Variants in ZNF672 observed in about 807,000 individuals in gnomAD.
ZNF672 encodes zinc finger protein 672.
For missense variants in ZNF672, 733 were observed against 701.1 expected (o/e 1.05, Z -0.51); for synonymous variants, 358 against 305.6 (o/e 1.17, Z -1.79).
chr1:248,847,496 G>C lies in ZNF672; in HGVS notation c.222G>C (p.Glu74Asp). 2 of 1,597,886 alleles carry C rather than the reference G, an allele frequency of 1.3e-6. No homozygotes were observed. The highest frequency in any genetic ancestry group is 1.7e-6 in the Non-Finnish European group (2 of 1,172,592). Residue 74 changes from glutamate (E) to aspartate (D), a missense_variant, in exon 4 of 4, where the codon GAG (glutamate) becomes GAC (aspartate). Transcript: ENST00000306562. The part of the protein sequence containing the change: ...HAGQTLYICS[E>D]CGQSFRHSGR... The stretch of plus-strand genomic sequence containing the variant: ...GCCAGACCCTCTACATCTGCAGTGA[G>C]TGCGGACAAAGCTTCCGCCACAGCG...
At chr1:248,838,646 T>A (rs1241346692) in intron 1 of ZNF672, 95 bp downstream of exon 1, 2 of 152,198 alleles carry the variant, frequency 1.3e-5, no homozygotes, top group Non-Finnish European at 2.9e-5. Context: ...GGGCGACTGG[T>A]GTCTGCGGCG....
At chr1:248,839,590 GAC>G (rs1664635877) in intron 1 of ZNF672, 1 of 152,520 alleles carries the variant, frequency 6.6e-6, no homozygotes, top group African/African-American at 2.4e-5. Flanking sequence ...GCTGCAGTGA[GAC>G]AGTGATCAAA....
At position 248,847,053 on chromosome 1, in the gene ZNF672, C is replaced by T. The variant is rs1664771909; in HGVS notation, c.-222C>T. 7 of 587,676 alleles carry T rather than the reference C, an allele frequency of 1.2e-5. No homozygotes were observed. The South Asian group carries it at 1.5e-4, about 13-fold the overall frequency. 36.4% of individuals were successfully genotyped at this position (587,676 alleles called of 1,614,324 possible). On this transcript the variant is annotated splice_region_variant and 5_prime_UTR_variant, in exon 4 of 4. Coordinates refer to ENST00000306562, the MANE Select transcript of ZNF672 (RefSeq NM_024836.3). ...CTCACAATGACCTTCTCCCCACAGG[C>T]TCACGGTGCAGGGTGAACCTGGCCA...
At position 248,848,174 on chromosome 1, in the gene ZNF672, G is replaced by A; in HGVS notation, c.900G>A (p.Val300=). 6.3e-7 allele frequency: 1 copy of A among 1,597,668 alleles called. No homozygotes were observed. The highest frequency in any genetic ancestry group is 1.7e-5 in the Admixed American group (1 of 58,988). ...KGFGQRSDLV[V]HQRIHTGEKP... ...TCGGGCAGCGCTCCGACCTGGTGGT[G>A]CACCAGCGCATCCACACGGGCGAGA... Residue 300 remains valine, a synonymous_variant, in exon 4 of 4, where the codon GTG becomes GTA. Coordinates refer to ENST00000306562, the MANE Select transcript of ZNF672 (RefSeq NM_024836.3).
At chr1:248,840,751 CTG>C (rs1374888008) in intron 1 of ZNF672, among the ~76,000 whole-genome samples, 58 of 150,758 alleles carry the variant, frequency 3.8e-4, no homozygotes, top group Non-Finnish European at 5.3e-4. Context: ...GGTACGATGA[CTG>C]TAGTCATAGT....
chr1:248,847,939 CG>C lies in ZNF672; in HGVS notation c.670del (p.Glu224ArgfsTer231). 1 of 1,574,068 alleles carries C rather than the reference CG, an allele frequency of 6.4e-7. No homozygotes were observed. Among genetic ancestry groups the C allele is most frequent in the Non-Finnish European group, 8.6e-7 (1 of 1,161,082 alleles). ...STLTRHLQTH[S>X]GEKPFKCPEC... ...CTGACGCGACACCTGCAGACGCACT[CG>C]GGGGAGAAACCCTTCAAGTGCCCGG... is the stretch of plus-strand genomic sequence containing the variant. On this transcript the variant is annotated frameshift_variant, in exon 4 of 4. Transcript: ENST00000306562. LOFTEE classifies it low-confidence loss of function (END_TRUNC).
chr1:248,841,823 C>T (rs995587205), intron 1 of ZNF672, among the ~76,000 whole-genome samples: 11 of 152,042 alleles, frequency 7.2e-5, no homozygotes, highest in African/African-American at 1.9e-4. Flanking sequence ...GAGGCTGAAG[C>T]GCAAGAATCG....
Position 248,848,222 on chromosome 1 carries a change from C to T in ZNF672, c.948C>T (p.Cys316=), listed in dbSNP as rs1444091588. 1.3e-6 allele frequency: 2 copies of T among 1,599,958 alleles called. No homozygotes were observed. Among genetic ancestry groups the T allele is most frequent in the South Asian group, 1.1e-5 (1 of 90,638 alleles). The part of the protein sequence containing the change: ...TGEKPFACPE[C]GRRFSDRSDL... Reference sequence around the variant, plus strand: ...AGAAGCCCTTCGCGTGCCCCGAGTGCGGCCGCCGCTTCAGCGACCGCTCGG... The same window carrying T: ...AGAAGCCCTTCGCGTGCCCCGAGTGTGGCCGCCGCTTCAGCGACCGCTCGG... The change falls in exon 4 of 4, where the codon TGC becomes TGT. Residue 316 remains cysteine (C), a synonymous_variant. Coordinates refer to ENST00000306562, the MANE Select transcript of ZNF672 (RefSeq NM_024836.3).
chr1:248,847,762 A>C lies in ZNF672; in HGVS notation c.488A>C (p.His163Pro), dbSNP rs1280601627. 6.7e-7 allele frequency: 1 copy of C among 1,497,632 alleles called. No homozygotes were observed. Among genetic ancestry groups the C allele is most frequent in the Non-Finnish European group, 8.9e-7 (1 of 1,124,250 alleles). 92.8% of individuals were successfully genotyped at this position (1,497,632 alleles called of 1,614,324 possible). Residue 163 changes from histidine (H) to proline (P), a missense_variant, in exon 4 of 4, where the codon CAC becomes CCC. His to Pro is a moderately conservative substitution (Grantham distance 77). Transcript: ENST00000306562. ...ACCTCTGACCCTGCTGCCCCACCCC[A>C]CCGCTGCGCGCAGTGCCCGCGAGCC... is the stretch of plus-strand genomic sequence containing the variant. ...GTTSDPAAPP[H>P]RCAQCPRAFR...
chr1:248,844,866 T>C (rs1185101063), intron 2 of ZNF672, among the ~76,000 whole-genome samples: 2 of 152,224 alleles, frequency 1.3e-5, no homozygotes, highest in East Asian at 3.9e-4. Flanking sequence ...CAGGAAGTTT[T>C]TATTTTCAGG....
In ZNF672 at chr1:248,848,731, GA is replaced by G; in HGVS notation, c.*102del. ...AGGCAACTCGTAGATGGAGATTTGG[GA>G]AAAGACGATGTGGCCTCCTACCTTT... is the stretch of plus-strand genomic sequence containing the variant. On this transcript the variant is annotated 3_prime_UTR_variant, in exon 4 of 4. Transcript: ENST00000306562. The G allele has an allele frequency of 6.8e-7, 1 of 1,460,074 alleles. No individual in the cohort carries two copies. Among genetic ancestry groups the G allele is most frequent in the Non-Finnish European group, 9.1e-7 (1 of 1,098,402 alleles). The allele number at this position is 1,460,074 out of a possible 1,614,324, so 90.4% of individuals were successfully genotyped here.
rs1659152935 is a variant in ZNF672, at chr1:248,847,321, G to T, written c.47G>T (p.Cys16Phe). 7.5e-6 allele frequency: 12 copies of T among 1,609,660 alleles called. No individual in the cohort carries two copies. Among genetic ancestry groups the T allele is most frequent in the Non-Finnish European group, 1.0e-5 (12 of 1,176,148 alleles). ...GAVAAGKPYS[C>F]SECGKSFCYS... ...GTGGCAGCGGGGAAGCCTTACTCGTGCAGCGAATGTGGCAAGAGCTTCTGC... is the reference window on the plus strand; with the variant it reads ...GTGGCAGCGGGGAAGCCTTACTCGTTCAGCGAATGTGGCAAGAGCTTCTGC... The change falls in exon 4 of 4, where the codon TGC becomes TTC. Residue 16 changes from cysteine to phenylalanine, a missense_variant. Cys to Phe is a radical substitution (Grantham distance 205, BLOSUM62 -2). Coordinates refer to ENST00000306562, the MANE Select transcript of ZNF672 (RefSeq NM_024836.3).
intron 1 of ZNF672, among the ~76,000 whole-genome samples, chr1:248,840,600 G>C (rs1025896532): frequency 2.0e-5 from 3 of 152,234 alleles, no homozygotes; most frequent in African/African-American, 7.2e-5. Context: ...TGTAGTCAGA[G>C]TATTTGTATG....
In ZNF672 at chr1:248,848,556, A is replaced by T. The variant is rs763494854; in HGVS notation, c.1282A>T (p.Ile428Phe). The T allele has an allele frequency of 6.2e-7, 1 of 1,601,096 alleles. No homozygotes were observed. The highest frequency in any genetic ancestry group is 8.5e-7 in the Non-Finnish European group (1 of 1,172,466). ...TRARTAAAVA[I>F]QSAVGTALVF... ...CGCCCGCACCGCTGCCGCCGTTGCC[A>T]TCCAGTCCGCAGTGGGCACTGCCCT... The change falls in exon 4 of 4, where the codon ATC becomes TTC. Residue 428 changes from isoleucine (I) to phenylalanine (F), a missense_variant. Ile to Phe is a conservative substitution (Grantham distance 21). Transcript: ENST00000306562.
At position 248,848,155 on chromosome 1, in the gene ZNF672, A is replaced by G. The variant is rs1012969150; in HGVS notation, c.881A>G (p.Gln294Arg). The change falls in exon 4 of 4, where the codon CAG becomes CGG. Residue 294 changes from glutamine (Q) to arginine (R), a missense_variant. Physicochemically the swap from Gln to Arg is conservative, Grantham distance 43. Transcript: ENST00000306562. ...GCCACTTGCGGCAAGGGTTTCGGGCAGCGCTCCGACCTGGTGGTGCACCAG... is the reference window on the plus strand; with the variant it reads ...GCCACTTGCGGCAAGGGTTTCGGGCGGCGCTCCGACCTGGTGGTGCACCAG... ...ACATCGKGFG[Q>R]RSDLVVHQRI... 3 of 1,588,656 alleles carry G rather than the reference A, an allele frequency of 1.9e-6. No homozygotes were observed. Among genetic ancestry groups the G allele is most frequent in the East Asian group, 4.6e-5 (2 of 43,790 alleles).
chr1:248,847,596 T>C lies in ZNF672; in HGVS notation c.322T>C (p.Phe108Leu), dbSNP rs1432196432. 5.8e-6 allele frequency: 9 copies of C among 1,548,204 alleles called. No homozygotes were observed. The highest frequency in any genetic ancestry group is 7.8e-6 in the Non-Finnish European group (9 of 1,151,776). Residue 108 changes from phenylalanine (F) to leucine (L), a missense_variant, in exon 4 of 4, where the codon TTC (phenylalanine) becomes CTC (leucine). By Grantham distance (22) the Phe-to-Leu change is conservative (BLOSUM62 0). Transcript: ENST00000306562. ...TCPCRTCGRR[F>L]PHLPALLLHR... ...CCCCTGCCGCACATGCGGCCGGCGC[T>C]TCCCGCACCTCCCGGCGCTGCTGCT...
rs764078667 is a variant in ZNF672 at position 248,848,297 on chromosome 1, C to T, written c.1023C>T (p.Cys341=). The T allele has an allele frequency of 4.4e-6, 7 of 1,602,516 alleles. No homozygotes were observed. The East Asian group carries it at 6.7e-5, about 15-fold the overall frequency. Residue 341 remains cysteine, a synonymous_variant, in exon 4 of 4, where the codon TGC becomes TGT. Transcript: ENST00000306562. Reference sequence around the variant, plus strand: ...ACACGGGCGAGAAGCCCTACCGCTGCGAACTGTGCGGCAAGCGGTTCACGT... The same window carrying T: ...ACACGGGCGAGAAGCCCTACCGCTGTGAACTGTGCGGCAAGCGGTTCACGT... The part of the protein sequence containing the change: ...RTHTGEKPYR[C]ELCGKRFTCV...
chr1:248,847,686 C>T lies in ZNF672; in HGVS notation c.412C>T (p.Arg138Trp), dbSNP rs759454002. The T allele has an allele frequency of 8.8e-6, 13 of 1,471,924 alleles. No homozygotes were observed. The South Asian group carries it at 9.3e-5, about 10-fold the overall frequency. 91.2% of individuals were successfully genotyped at this position (1,471,924 alleles called of 1,614,324 possible). A position where few individuals can be genotyped will look rare whatever the true frequency, so the allele number is the denominator to read the frequency against. ...RRCPLCARTF[R>W]QSALLFHQAR... The stretch of plus-strand genomic sequence containing the variant: ...CTGCCCGCTGTGCGCCCGCACCTTC[C>T]GGCAGAGCGCGCTGCTCTTCCACCA... The change falls in exon 4 of 4, where the codon CGG (arginine) becomes TGG (tryptophan). Residue 138 changes from arginine (R) to tryptophan (W), a missense_variant. Physicochemically the swap from Arg to Trp is moderately radical, Grantham distance 101. Transcript: ENST00000306562.
At position 248,838,258 on chromosome 1, in the gene ZNF672, G is replaced by C. The variant is rs900885044; in HGVS notation, c.-768G>C. On this transcript the variant is annotated 5_prime_UTR_variant, in exon 1 of 4. Transcript: ENST00000306562. Reference sequence around the variant, plus strand: ...TGCTTCCCGGCTCCAGCTGGGGCCGGAGAGGCTGAGTGGTTGGTACGCTGC... The same window carrying C: ...TGCTTCCCGGCTCCAGCTGGGGCCGCAGAGGCTGAGTGGTTGGTACGCTGC... 1 of 152,362 alleles carries C rather than the reference G, an allele frequency of 6.6e-6. No individual in the cohort carries two copies. The highest frequency in any genetic ancestry group is 2.4e-5 in the African/African-American group (1 of 41,464). The allele number at this position is 152,362 out of a possible 1,614,324, so 9.4% of individuals were successfully genotyped here.
Sources: allele counts gnomAD v4.1 joint callset (sites outside exome capture counted in the v4.1 genomes callset), GRCh38; gene constraint gnomAD v4.1.1; transcripts MANE v1.5; gene names NCBI Gene and HGNC (gene_info 2026-07-23, HGNC 2026-07-21).